Variants in CTDP1 observed in about 807,000 individuals in gnomAD.
The protein encoded by CTDP1 is RNA polymerase II subunit A C-terminal domain phosphatase.
In CTDP1, 47 loss-of-function variants were observed where a neutral mutation model predicts 91.8. The observed-to-expected ratio is 0.51, with a 90% CI of 0.41 to 0.65. CTDP1 has a LOEUF of 0.65. CTDP1 is among the 30% of genes least tolerant of loss of function. The pLI is 0.00. For synonymous variants in CTDP1, 656 were observed against 598.5 expected (o/e 1.10, Z -1.40); for missense variants, 1,272 against 1,373.7 (o/e 0.93, Z 1.17).
In CTDP1 at chr18:79,689,260, G is replaced by C. The variant is rs1211711203; in HGVS notation, c.315-5965G>C. Among the ~76,000 whole-genome samples the C allele has an allele frequency of 2.6e-5, 4 of 152,258 alleles. 1 individual carries two copies. The South Asian group carries it at 6.2e-4, about 24-fold the overall frequency. On this transcript the variant is annotated intron_variant, in intron 1 of 12. Transcript: ENST00000613122. ...CTGGTGAGACTGTCCCAGAGCCTGC[G>C]TTTAGTGAAGGTGGTGTCTGTTGTA...
At chr18:79,718,119 G>A in intron 10 of CTDP1, 103 bp downstream of exon 10, 1 of 1,367,954 alleles carries the variant, frequency 7.3e-7, no homozygotes, top group Non-Finnish European at 1.0e-6. Flanking sequence ...GTGAGGGCGG[G>A]TGGAGGCTGC....
chr18:79,740,988 C>T (rs780676636), intron 12 of CTDP1, among the ~76,000 whole-genome samples: 8 of 152,026 alleles, frequency 5.3e-5, no homozygotes, highest in South Asian at 2.1e-4. Context: ...TGAGGTCCCC[C>T]GTGCGGTTGA....
chr18:79,715,167 T>C lies in CTDP1; in HGVS notation c.1707T>C (p.Gly569=). The C allele has an allele frequency of 2.5e-6, 4 of 1,612,976 alleles. No individual in the cohort carries two copies. The highest frequency in any genetic ancestry group is 3.4e-6 in the Non-Finnish European group (4 of 1,179,806). Residue 569 remains glycine, a synonymous_variant, in exon 8 of 13, where the codon GGT becomes GGC. Transcript: ENST00000613122. The part of the protein sequence containing the change: ...QNSELSGVTA[G]ESLDQSMEEE... ...GCGAGCTGTCGGGGGTCACTGCGGG[T>C]GAGTCCCTGGACCAGAGCATGGAGG...
Position 79,714,839 on chromosome 18 carries a change from G to A in CTDP1, c.1379G>A (p.Ser460Asn). Reference protein sequence around the residue: ...LDFDLSSDSESSSESEGTKSS... With the variant: ...LDFDLSSDSENSSESEGTKSS... ...TTTGACTTATCCAGCGACAGCGAGA[G>A]CAGCAGTGAGTCCGAGGGCACGAAG... The change falls in exon 8 of 13, where the codon AGC (serine) becomes AAC (asparagine). Residue 460 changes from serine to asparagine, a missense_variant. Transcript: ENST00000613122. The A allele has an allele frequency of 6.3e-7, 1 of 1,597,096 alleles. No individual in the cohort carries two copies. The highest frequency in any genetic ancestry group is 8.5e-7 in the Non-Finnish European group (1 of 1,172,952).
intron 10 of CTDP1, among the ~76,000 whole-genome samples, chr18:79,727,996 G>A (rs1365402269): frequency 2.0e-5 from 3 of 152,218 alleles, no homozygotes; most frequent in Non-Finnish European, 2.9e-5. Context: ...GCTGCGGTTT[G>A]AACATAGCAG....
intron 12 of CTDP1, among the ~76,000 whole-genome samples, chr18:79,737,194 C>T (rs1450321772): frequency 1.3e-5 from 2 of 152,226 alleles, no homozygotes; most frequent in Non-Finnish European, 2.9e-5. Flanking sequence ...CTCACCTGCT[C>T]CTTGTGACTG....
At position 79,736,378 on chromosome 18, in the gene CTDP1, C is replaced by T. The variant is rs751705668; in HGVS notation, c.2604C>T (p.Gly868=). 17 of 1,549,204 alleles carry T rather than the reference C, an allele frequency of 1.1e-5. No homozygotes were observed. The highest frequency in any genetic ancestry group is 2.4e-5 in the South Asian group (2 of 83,980). Residue 868 remains glycine (G), a synonymous_variant, in exon 12 of 13, where the codon GGC becomes GGT. Transcript: ENST00000613122. ...DKEVDDILGE[G]SDDSDSEKRR... Reference sequence around the variant, plus strand: ...AGGTGGACGACATCCTTGGAGAAGGCAGCGACGACAGCGACAGCGAGAAGA... The same window carrying T: ...AGGTGGACGACATCCTTGGAGAAGGTAGCGACGACAGCGACAGCGAGAAGA...
chr18:79,737,852 C>T (rs574511690), intron 12 of CTDP1, among the ~76,000 whole-genome samples: 1 of 152,312 alleles, frequency 6.6e-6, no homozygotes, highest in African/African-American at 2.4e-5. Context: ...CCGTAAATTG[C>T]TTTTACCAAA....
In CTDP1 at chr18:79,713,087, G is replaced by A. The variant is rs1273910920; in HGVS notation, c.979G>A (p.Gly327Ser). The change falls in exon 7 of 13, where the codon GGT becomes AGT. Residue 327 changes from glycine to serine, a missense_variant. Around this residue, in one of 3 missense-constraint regions of CTDP1, gnomAD observed 881 missense variants for 911.6 expected, o/e 0.97. Transcript: ENST00000613122. The surrounding 1 kb of genome is among the most constrained non-coding windows in gnomAD (Gnocchi z 4.7). ...VKKYVYFQGTGDMNAPPGSRE... is the reference protein window; with the variant it reads ...VKKYVYFQGTSDMNAPPGSRE... ...GAAATATGTATACTTCCAGGGCACG[G>A]GTGATATGAATGCGCCCCCTGGGTC... is the stretch of plus-strand genomic sequence containing the variant. The A allele has an allele frequency of 3.7e-6, 6 of 1,614,118 alleles. No homozygotes were observed. The highest frequency in any genetic ancestry group is 2.2e-5 in the South Asian group (2 of 91,074).
intron 5 of CTDP1, among the ~76,000 whole-genome samples, chr18:79,706,892 G>A (rs1412564089): frequency 1.3e-5 from 2 of 152,240 alleles, no homozygotes; most frequent in Non-Finnish European, 2.9e-5. Flanking sequence ...TGACCTGCAC[G>A]TCTGAGTCCA....
chr18:79,710,436 G>A lies in CTDP1; in HGVS notation c.863G>A (p.Arg288Lys), dbSNP rs1476678129. The change falls in exon 6 of 13, where the codon AGA (arginine) becomes AAA (lysine). Residue 288 changes from arginine to lysine, a missense_variant and splice_region_variant. By Grantham distance (26) the Arg-to-Lys change is conservative (BLOSUM62 2). Around this residue, in one of 3 missense-constraint regions of CTDP1, gnomAD observed 177 missense variants for 283.0 expected, o/e 0.63. Transcript: ENST00000613122. ...IDPFSKTGNL[R>K]NLFPCGDSMV... ...CCATTTTCTAAAACGGGAAACCTTA[G>A]GTATGTACCCAGCCGCGCTCCTCAC... The A allele has an allele frequency of 1.2e-6, 2 of 1,608,536 alleles. No homozygotes were observed. The highest frequency in any genetic ancestry group is 2.7e-5 in the African/African-American group (2 of 74,796).
chr18:79,678,507 T>C (rs1179059664), upstream of CTDP1: 2 of 152,310 alleles, frequency 1.3e-5, no homozygotes, highest in African/African-American at 4.8e-5. Flanking sequence ...GGAGTACACA[T>C]TCAGGGCGCC....
chr18:79,733,052 C>T (rs1465782838), intron 11 of CTDP1, among the ~76,000 whole-genome samples: 1 of 152,226 alleles, frequency 6.6e-6, no homozygotes, highest in African/African-American at 2.4e-5. Flanking sequence ...TCGTGGTGGG[C>T]GTGGCCAAAG....
intron 1 of CTDP1, among the ~76,000 whole-genome samples, chr18:79,691,173 G>A (rs1442200914): frequency 1.3e-5 from 2 of 152,220 alleles, no homozygotes; most frequent in Admixed American, 6.5e-5. Flanking sequence ...TGGCACCTCC[G>A]TCTTGCAGTC....
chr18:79,724,242 T>C (rs1220115770), intron 10 of CTDP1, among the ~76,000 whole-genome samples: 1 of 152,170 alleles, frequency 6.6e-6, no homozygotes, highest in Non-Finnish European at 1.5e-5. Context: ...AATTCAAAAA[T>C]CCAAAATCGG....
rs1296314367 is a variant in CTDP1 at position 79,753,710 on chromosome 18, A to G, written c.2806A>G (p.Ser936Gly). Residue 936 changes from serine to glycine, a missense_variant, in exon 13 of 13, where the codon AGC becomes GGC. Coordinates refer to ENST00000613122, the MANE Select transcript of CTDP1 (RefSeq NM_004715.5). ...DAASESSRES[S>G]NEDEGSSSEA... ...CGCCAGCGAGTCCAGCAGGGAGTCC[A>G]GCAACGAGGATGAGGGCAGCAGCTC... is the stretch of plus-strand genomic sequence containing the variant. 2.5e-6 allele frequency: 4 copies of G among 1,614,126 alleles called. No individual in the cohort carries two copies. The highest frequency in any genetic ancestry group is 2.5e-6 in the Non-Finnish European group (3 of 1,179,970).
intron 1 of CTDP1, among the ~76,000 whole-genome samples, chr18:79,690,212 C>CA (rs2085591411): frequency 6.6e-6 from 1 of 152,228 alleles, no homozygotes; most frequent in African/African-American, 2.4e-5. Context: ...TGATGGCGTC[C>CA]ATGGTCCAGG....
intron 6 of CTDP1, among the ~76,000 whole-genome samples, chr18:79,712,707 T>C (rs2086108476): frequency 6.6e-6 from 1 of 152,188 alleles, no homozygotes; most frequent in South Asian, 2.1e-4. Context: ...CCGTGGCCCG[T>C]AATGCCTAAA....
At chr18:79,723,430 T>G (rs924792650) in intron 10 of CTDP1, among the ~76,000 whole-genome samples, 3 of 152,234 alleles carry the variant, frequency 2.0e-5, no homozygotes, top group Non-Finnish European at 4.4e-5. Context: ...CGCTTGGCAG[T>G]GAGGGCAGTT....
Sources: gnomAD v4.1 joint callset for allele counts (sites outside exome capture counted in the v4.1 genomes callset) on GRCh38, gnomAD v4.1.1 for gene constraint, gnomAD v4.1.1 regional missense constraint, Gnocchi (gnomAD v3.1) non-coding constraint, MANE v1.5 for transcripts, NCBI Gene and HGNC (gene_info 2026-07-23, HGNC 2026-07-21) for gene names.